The following NUP210 variants were observed in gnomAD, a reference collection of about 807,000 sequenced individuals.
The protein encoded by NUP210 is nuclear pore membrane glycoprotein 210.
Under a neutral mutation model 196.0 loss-of-function variants are expected in NUP210, and 151 were observed. The ratio of observed to expected loss-of-function variants is 0.77; its 90% CI spans 0.67 to 0.88. NUP210 has a LOEUF of 0.88. NUP210 is among the 40% of genes least tolerant of loss of function. The probability of loss-of-function intolerance (pLI) is 0.00; values close to 1 mark genes in which losing one functional copy is unlikely to be tolerated. For missense variants in NUP210, 2,314 were observed against 2,493.7 expected, an observed-to-expected ratio of 0.93 and a Z score of 1.53; for synonymous variants, 1,070 against 1,052.7, an observed-to-expected ratio of 1.02 and a Z score of -0.32.
chr3:13,358,917 G>C (rs527552570), intron 15 of NUP210, among the ~76,000 whole-genome samples: 1 of 152,356 alleles, frequency 6.6e-6, no homozygotes, highest in East Asian at 1.9e-4. Flanking sequence ...TGCAGCTCCA[G>C]GGGCTGCTGC....
At chr3:13,330,852 G>A (rs368936768) in intron 29 of NUP210, among the ~76,000 whole-genome samples, 6 of 152,340 alleles carry the variant, frequency 3.9e-5, no homozygotes, top group East Asian at 1.9e-4. Flanking sequence ...ATGGTTCCGA[G>A]CAAAGTGTGG....
intron 16 of NUP210, among the ~76,000 whole-genome samples, chr3:13,357,225 G>T (rs998373868): frequency 2.6e-5 from 4 of 152,228 alleles, no homozygotes; most frequent in African/African-American, 9.6e-5. Flanking sequence ...ATGAGCCAGG[G>T]TCTGCTCTAG....
Position 13,348,921 on chromosome 3 carries a change from G to C in NUP210, c.2835+2958C>G, listed in dbSNP as rs1418298786. On this transcript the variant is annotated intron_variant, in intron 20 of 39. Coordinates refer to ENST00000254508, the MANE Select transcript of NUP210 (RefSeq NM_024923.4). The surrounding 1 kb of genome is among the most constrained non-coding windows in gnomAD (Gnocchi z 4.0). ...AATTAAAAAACTTATTAAACAGGGG[G>C]TGTTTCACACAAAAATAGAGATCTC... The C allele has an allele frequency of 1.0e-6, 1 of 984,212 alleles. No homozygotes were observed. Among genetic ancestry groups the C allele is most frequent in the Non-Finnish European group, 1.2e-6 (1 of 828,946 alleles). 61.0% of individuals were successfully genotyped at this position (984,212 alleles called of 1,614,324 possible). A position where few individuals can be genotyped will look rare whatever the true frequency, so the allele number is the denominator to read the frequency against.
chr3:13,412,221 T>C (rs187703174), intron 1 of NUP210, among the ~76,000 whole-genome samples: 1,295 of 122,520 alleles, frequency 0.011, 8 homozygotes, highest in Non-Finnish European at 0.015. Context: ...CCCAGCTTTA[T>C]TTTCCTTTTC....
intron 33 of NUP210, among the ~76,000 whole-genome samples, chr3:13,325,045 C>T (rs6801423): frequency 0.19 from 28,229 of 152,212 alleles, 2,721 homozygotes; most frequent in East Asian, 0.3. Flanking sequence ...GCCCCACCCT[C>T]AACCTGCACC....
At chr3:13,354,283 G>GC in intron 16 of NUP210, 176 bp from the exon 17 acceptor site, 3 of 611,974 alleles carry the variant, frequency 4.9e-6, no homozygotes, top group Non-Finnish European at 8.6e-6. Flanking sequence ...TCCCCCCATG[G>GC]CCCTGTCCAA....
At chr3:13,351,167 A>C (rs1434023319) in intron 20 of NUP210, among the ~76,000 whole-genome samples, 1 of 152,262 alleles carries the variant, frequency 6.6e-6, no homozygotes, top group Non-Finnish European at 1.5e-5. Context: ...TAATAAAAGC[A>C]GAACATTAAA....
At chr3:13,362,865 C>T (rs1171956534) in intron 14 of NUP210, among the ~76,000 whole-genome samples, 1 of 152,176 alleles carries the variant, frequency 6.6e-6, no homozygotes, top group Non-Finnish European at 1.5e-5. Flanking sequence ...CTGAGCGTCA[C>T]CTCCTCAGGC....
chr3:13,379,006 C>T lies in NUP210; in HGVS notation c.977-26G>A. 3 of 1,598,016 alleles carry T rather than the reference C, an allele frequency of 1.9e-6. No homozygotes were observed. Among genetic ancestry groups the T allele is most frequent in the Non-Finnish European group, 2.6e-6 (3 of 1,165,322 alleles). ...CTGAATTTTGAATTAAGGGGCAAGA[C>T]ATATGACAGCAAATAAACCAGCTGG... On this transcript the variant is annotated intron_variant, in intron 7 of 39. Coordinates refer to ENST00000254508, the MANE Select transcript of NUP210 (RefSeq NM_024923.4). The surrounding 1 kb of genome is among the most constrained non-coding windows in gnomAD (Gnocchi z 4.2).
rs749197619 is a variant in NUP210 at position 13,386,337 on chromosome 3, T to C, written c.755A>G (p.Tyr252Cys). The C allele has an allele frequency of 1.4e-5, 22 of 1,614,242 alleles. No homozygotes were observed. Among genetic ancestry groups the C allele is most frequent in the Non-Finnish European group, 1.9e-5 (22 of 1,180,048 alleles). Residue 252 changes from tyrosine (Y) to cysteine (C), a missense_variant, in exon 6 of 40, where the codon TAC becomes TGC. Tyr to Cys is a radical substitution (Grantham distance 194). Transcript: ENST00000254508. ...NILLNPAYDV[Y>C]LMVGTSIHYK... ...GTGAATGGAGGTTCCCACCATCAGG[T>C]AGACGTCATAGGCCGGGTTCAGAAG...
intron 1 of NUP210, among the ~76,000 whole-genome samples, chr3:13,411,538 C>G (rs983761164): frequency 6.6e-6 from 1 of 152,056 alleles, no homozygotes; most frequent in Non-Finnish European, 1.5e-5. Flanking sequence ...ATTTTGGCTC[C>G]CTCTGTCCAT....
intron 37 of NUP210, 93 bp downstream of exon 37, chr3:13,319,668 TTC>T: frequency 9.5e-7 from 1 of 1,057,382 alleles, no homozygotes; most frequent in Non-Finnish European, 1.4e-6. Flanking sequence ...ACTCCTCCAT[TTC>T]TTACACCTCA....
chr3:13,329,748 T>C (rs1038888589), intron 30 of NUP210, among the ~76,000 whole-genome samples: 3 of 152,170 alleles, frequency 2.0e-5, no homozygotes, highest in Non-Finnish European at 2.9e-5. Context: ...TGATGAGACA[T>C]GGAAAGAAAA....
intron 6 of NUP210, among the ~76,000 whole-genome samples, chr3:13,383,185 T>C (rs1699158241): frequency 6.6e-6 from 1 of 152,172 alleles, no homozygotes; most frequent in African/African-American, 2.4e-5. Flanking sequence ...ACTTAGGAGT[T>C]TCCATTGGTG....
At chr3:13,396,070 G>A (rs1040319051) in intron 3 of NUP210, among the ~76,000 whole-genome samples, 4 of 152,204 alleles carry the variant, frequency 2.6e-5, no homozygotes, top group South Asian at 2.1e-4. Context: ...ATGGGTAAGC[G>A]GGGAAGAAAG....
At chr3:13,375,142 C>CTTTTTTTTTTTTTTTTCTT (rs76945178) in intron 11 of NUP210, among the ~76,000 whole-genome samples, 3 of 138,438 alleles carry the variant, frequency 2.2e-5, no homozygotes, top group Non-Finnish European at 3.1e-5. Flanking sequence ...TATTTTTTCT[C>CTTTTTTTTTTTTTTTTCTT]TTTTTTTTTT....
chr3:13,346,943 C>T (rs1697759480), intron 20 of NUP210: 17 of 912,564 alleles, frequency 1.9e-5, no homozygotes, highest in Non-Finnish European at 2.1e-5. Context: ...CACAGGGACC[C>T]GGCCAGCCCT....
At chr3:13,332,160 C>T (rs1238071476) in intron 29 of NUP210, 133 bp downstream of exon 29, 2 of 697,926 alleles carry the variant, frequency 2.9e-6, no homozygotes, top group Non-Finnish European at 5.2e-6. Flanking sequence ...AGGCAGAGGC[C>T]TCACCCATTC....
intron 21 of NUP210, among the ~76,000 whole-genome samples, chr3:13,342,767 G>A (rs143464241): frequency 4.6e-5 from 7 of 152,214 alleles, no homozygotes; most frequent in East Asian, 3.9e-4. Context: ...TTGCAATGGC[G>A]CTTGGCATGG....
Sources: gnomAD v4.1 joint callset for allele counts (sites outside exome capture counted in the v4.1 genomes callset) on GRCh38, gnomAD v4.1.1 for gene constraint, Gnocchi (gnomAD v3.1) non-coding constraint, MANE v1.5 for transcripts, NCBI Gene and HGNC (gene_info 2026-07-23, HGNC 2026-07-21) for gene names.